Variants in ARHGAP19 observed in about 807,000 individuals in gnomAD.
ARHGAP19 encodes rho GTPase-activating protein 19.
Under a neutral mutation model 60.9 loss-of-function variants are expected in ARHGAP19, and 48 were observed. That is an observed-to-expected ratio of 0.79 (90% confidence interval 0.62 to 1.00). The LOEUF (loss-of-function observed/expected upper bound fraction) is 1.00. Ranked by LOEUF, ARHGAP19 falls within the 50% of genes least tolerant of loss-of-function variation. The pLI is 0.00. For synonymous variants in ARHGAP19, 209 were observed against 215.5 expected (o/e 0.97, Z 0.27); for missense variants, 562 against 597.2 (o/e 0.94, Z 0.61).
At chr10:97,248,624 A>G (rs1842597313) in intron 6 of ARHGAP19, among the ~76,000 whole-genome samples, 1 of 152,152 alleles carries the variant, frequency 6.6e-6, no homozygotes, top group African/African-American at 2.4e-5. Context: ...GAATATACCT[A>G]GTATCACTCA....
chr10:97,260,778 C>T (rs1447960972), intron 4 of ARHGAP19, among the ~76,000 whole-genome samples: 2 of 151,658 alleles, frequency 1.3e-5, no homozygotes, highest in African/African-American at 2.4e-5. Context: ...TTCCATTCCT[C>T]GGTATATACC....
intron 1 of ARHGAP19, among the ~76,000 whole-genome samples, chr10:97,284,847 A>AT: frequency 6.6e-6 from 1 of 150,630 alleles, no homozygotes; most frequent in African/African-American, 2.4e-5. Flanking sequence ...AAGAAAAAAA[A>AT]GCATATACTT....
At chr10:97,268,356 G>C (rs1400041672) in intron 1 of ARHGAP19, among the ~76,000 whole-genome samples, 4 of 152,112 alleles carry the variant, frequency 2.6e-5, no homozygotes, top group African/African-American at 9.7e-5. Flanking sequence ...CCTGTCTTCT[G>C]AGTCCTCTAA....
chr10:97,256,984 G>A (rs1000062182), intron 5 of ARHGAP19, among the ~76,000 whole-genome samples: 4 of 152,236 alleles, frequency 2.6e-5, no homozygotes, highest in South Asian at 4.1e-4. Context: ...AGCCGGGCGT[G>A]GTGGCGGGCG....
intron 1 of ARHGAP19, among the ~76,000 whole-genome samples, chr10:97,270,890 C>T (rs1842952089): frequency 6.6e-6 from 1 of 152,232 alleles, no homozygotes; most frequent in Non-Finnish European, 1.5e-5. Context: ...AGACTCCCAT[C>T]ACCACTTAAG....
At chr10:97,226,347 G>A (rs1850894534) in intron 11 of ARHGAP19, among the ~76,000 whole-genome samples, 1 of 152,136 alleles carries the variant, frequency 6.6e-6, no homozygotes. Context: ...CTAACAGTAA[G>A]TACATATTTT....
At chr10:97,249,826 T>C (rs1842616835) in intron 6 of ARHGAP19, among the ~76,000 whole-genome samples, 1 of 141,884 alleles carries the variant, frequency 7.0e-6, no homozygotes, top group Non-Finnish European at 1.5e-5. Context: ...TGAGACGGAG[T>C]CTGGCTCTGT....
intron 6 of ARHGAP19, 63 bp from the exon 7 acceptor site, chr10:97,246,400 C>A (rs893607522): frequency 7.7e-6 from 10 of 1,306,690 alleles, no homozygotes; most frequent in South Asian, 1.2e-5. Flanking sequence ...TTCTTTCAGG[C>A]CGCAAGGACA....
intron 5 of ARHGAP19, among the ~76,000 whole-genome samples, chr10:97,257,363 C>T (rs1447841476): frequency 6.9e-6 from 1 of 145,006 alleles, no homozygotes; most frequent in Non-Finnish European, 1.5e-5. Flanking sequence ...TCATAACTCA[C>T]TGCAGCTGCA....
intron 11 of ARHGAP19, among the ~76,000 whole-genome samples, chr10:97,228,848 T>C (rs1034313355): frequency 9.2e-5 from 14 of 152,230 alleles, no homozygotes; most frequent in African/African-American, 3.1e-4. Context: ...TTTACACTTG[T>C]TTTTAATTTG....
intron 5 of ARHGAP19, among the ~76,000 whole-genome samples, chr10:97,258,155 C>T (rs1232114974): frequency 6.6e-6 from 1 of 152,090 alleles, no homozygotes; most frequent in Non-Finnish European, 1.5e-5. Context: ...GCCCAGTTTA[C>T]AGAGGAAAAG....
At chr10:97,245,747 A>C (rs764406940) in intron 7 of ARHGAP19, among the ~76,000 whole-genome samples, 4 of 152,168 alleles carry the variant, frequency 2.6e-5, no homozygotes, top group African/African-American at 7.2e-5. Flanking sequence ...AATAGGAATG[A>C]ATTACATAAA....
intron 1 of ARHGAP19, among the ~76,000 whole-genome samples, chr10:97,291,051 A>C (rs940423153): frequency 3.9e-5 from 6 of 152,114 alleles, no homozygotes; most frequent in Non-Finnish European, 2.9e-5. Context: ...GCTCACACCC[A>C]ACCAATCAGA....
chr10:97,252,758 A>C (rs1418500793), intron 6 of ARHGAP19, among the ~76,000 whole-genome samples: 1 of 152,212 alleles, frequency 6.6e-6, no homozygotes, highest in Non-Finnish European at 1.5e-5. Flanking sequence ...CTTCTCAAAA[A>C]ACTAAAAATA....
At chr10:97,229,111 C>T (rs1850954449) in intron 11 of ARHGAP19, 36 bp downstream of exon 11, 1 of 1,555,776 alleles carries the variant, frequency 6.4e-7, no homozygotes, top group Non-Finnish European at 8.9e-7. Context: ...AAAGGAATTA[C>T]ATTTAGTAAG....
At chr10:97,251,402 AGGG>A (rs1700808478) in intron 6 of ARHGAP19, among the ~76,000 whole-genome samples, 1 of 16,670 alleles carries the variant, frequency 6.0e-5, no homozygotes. Context: ...GGGAAGGGGA[AGGG>A]AAGGGAAAGG....
intron 8 of ARHGAP19, among the ~76,000 whole-genome samples, chr10:97,242,324 CTTTTTTTTTTTT>C (rs1164708198): frequency 3.6e-5 from 2 of 55,794 alleles, no homozygotes; most frequent in African/African-American, 7.4e-5. Flanking sequence ...TATCAGTGTT[CTTTTTTTTTTTT>C]TTTTTTTTTT....
chr10:97,273,521 C>G (rs1467300223), intron 1 of ARHGAP19, among the ~76,000 whole-genome samples: 2 of 122,212 alleles, frequency 1.6e-5, no homozygotes, highest in Non-Finnish European at 3.2e-5. Context: ...CAGAGACTCT[C>G]TCTGTCGCCC....
chr10:97,244,003 G>A lies in ARHGAP19; in HGVS notation c.1150C>T (p.Pro384Ser), dbSNP rs749176890. The A allele has an allele frequency of 1.2e-6, 2 of 1,611,886 alleles. No homozygotes were observed. Among genetic ancestry groups the A allele is most frequent in the African/African-American group, 1.3e-5 (1 of 74,892 alleles). ...RELFQHVHDMPESAKKKQLIR... is the reference protein window; with the variant it reads ...RELFQHVHDMSESAKKKQLIR... ...AGTTGTTTCTTCTTTGCTGACTCTG[G>A]CATATCATGAACGTGTTGAAACAGC... Residue 384 changes from proline to serine, a missense_variant, in exon 8 of 12, where the codon CCA (proline) becomes TCA (serine). By Grantham distance (74) the Pro-to-Ser change is moderately conservative. Transcript: ENST00000358531.
Sources: gnomAD v4.1 joint callset for allele counts (sites outside exome capture counted in the v4.1 genomes callset) on GRCh38, gnomAD v4.1.1 for gene constraint, MANE v1.5 for transcripts, NCBI Gene and HGNC (gene_info 2026-07-23, HGNC 2026-07-21) for gene names.